MAF: variants seen among roughly 807,000 people sequenced by gnomAD.
MAF encodes MAF bZIP transcription factor.
MAF carries 10 observed loss-of-function variants against 22.0 expected under a neutral mutation model. That is an observed-to-expected ratio of 0.45 (90% CI 0.28 to 0.77). MAF has a LOEUF of 0.77. Among genes scored for constraint, MAF ranks in the 30% least tolerant of loss-of-function variants. The pLI, the probability that MAF is intolerant of heterozygous loss-of-function variation, is 0.12. For missense variants in MAF, 544 were observed against 548.4 expected, an observed-to-expected ratio of 0.99 and a Z score of 0.08; for synonymous variants, 337 against 255.8, an observed-to-expected ratio of 1.32 and a Z score of -3.03.
At chr16:79,311,345 C>T in the MAF span, among the ~76,000 whole-genome samples, 5 of 152,090 alleles carry the variant, frequency 3.3e-5, no homozygotes, top group Middle Eastern at 3.2e-3. Context: ...TTTCCTACTT[C>T]TTTTTTGAAA....
chr16:79,287,002 G>T, the MAF span, among the ~76,000 whole-genome samples: 1 of 152,190 alleles, frequency 6.6e-6, no homozygotes, highest in African/African-American at 2.4e-5. Flanking sequence ...ACCGAAGCCA[G>T]AAGTGAGCGT....
chr16:79,539,155 T>C, the MAF span, among the ~76,000 whole-genome samples: 4 of 152,374 alleles, frequency 2.6e-5, no homozygotes, highest in South Asian at 8.3e-4. Flanking sequence ...GTGGTATTTG[T>C]GGTAGTATAA....
chr16:79,400,177 G>C, the MAF span, among the ~76,000 whole-genome samples: 3 of 152,158 alleles, frequency 2.0e-5, no homozygotes, highest in African/African-American at 7.2e-5. Context: ...ACAATACACA[G>C]GGCAGACCCC....
At chr16:79,598,581 G>GTGT (rs1913725991) in intron 1 of MAF, 20 of 1,410,576 alleles carry the variant, frequency 1.4e-5, no homozygotes, top group Middle Eastern at 2.6e-4. Context: ...CAGGGTGTGG[G>GTGT]GTGTGTGTGT....
At chr16:79,439,647 C>T in the MAF span, among the ~76,000 whole-genome samples, 1 of 152,190 alleles carries the variant, frequency 6.6e-6, no homozygotes, top group Non-Finnish European at 1.5e-5. Context: ...AAACAGTCTG[C>T]TCTGCTCCAT....
intron 1 of MAF, chr16:79,597,990 G>C (rs965622239): frequency 9.6e-7 from 1 of 1,042,260 alleles, no homozygotes; most frequent in South Asian, 4.6e-5. Flanking sequence ...GAAGGTTGAT[G>C]CAGGCTTGAT....
chr16:79,588,491 G>C lies in MAF; in HGVS notation c.1119-2550C>G, dbSNP rs970158863. 2.6e-5 allele frequency among the ~76,000 whole-genome samples: 4 copies of C among 151,966 alleles called. No individual in the cohort carries two copies. The East Asian group carries it at 7.7e-4, about 29-fold the overall frequency. ...GCTGTTTTGCCCAGGCTTGAGTGCA[G>C]TGGCGCAATCTGGGCTTACTGCAAC... On this transcript the variant is annotated intron_variant, in intron 1 of 1. Transcript: ENST00000569649.
the MAF span, among the ~76,000 whole-genome samples, chr16:79,569,134 C>T: frequency 6.6e-6 from 1 of 152,326 alleles, no homozygotes; most frequent in East Asian, 1.9e-4. Context: ...GCCAAACAGC[C>T]TCAGAGAGTT....
chr16:79,484,427 G>T, the MAF span, among the ~76,000 whole-genome samples: 3 of 152,222 alleles, frequency 2.0e-5, no homozygotes, highest in African/African-American at 7.2e-5. Context: ...TGACCTCAGA[G>T]GTGACTCAGC....
At chr16:79,467,155 G>T in the MAF span, among the ~76,000 whole-genome samples, 1 of 152,180 alleles carries the variant, frequency 6.6e-6, no homozygotes, top group South Asian at 2.1e-4. Context: ...GGCCTCCAAG[G>T]GTCCCTCCCA....
chr16:79,545,464 A>C, the MAF span, among the ~76,000 whole-genome samples: 2 of 152,080 alleles, frequency 1.3e-5, no homozygotes, highest in Non-Finnish European at 2.9e-5. Flanking sequence ...GTACAACTGC[A>C]CACATTGCAT....
the MAF span, among the ~76,000 whole-genome samples, chr16:79,318,228 C>T: frequency 6.6e-6 from 1 of 152,196 alleles, no homozygotes; most frequent in African/African-American, 2.4e-5. Context: ...AGATGATCCA[C>T]CTGTTCCCAG....
chr16:79,495,136 T>C, the MAF span, among the ~76,000 whole-genome samples: 3 of 152,070 alleles, frequency 2.0e-5, no homozygotes, highest in East Asian at 1.9e-4. Flanking sequence ...GTAGGCGTGA[T>C]TGATTAAATC....
the MAF span, among the ~76,000 whole-genome samples, chr16:79,470,003 C>T: frequency 6.6e-6 from 1 of 152,228 alleles, no homozygotes; most frequent in African/African-American, 2.4e-5. Context: ...AGGATGGGAA[C>T]ATATAATCTC....
chr16:79,473,761 C>T, the MAF span, among the ~76,000 whole-genome samples: 3,186 of 152,134 alleles, frequency 0.021, 112 homozygotes, highest in African/African-American at 0.073. Context: ...CAAGCTCTGC[C>T]GACTGAAATG....
chr16:79,333,606 A>AT, the MAF span, among the ~76,000 whole-genome samples: 5 of 152,326 alleles, frequency 3.3e-5, no homozygotes, highest in Admixed American at 6.5e-5. Context: ...ACTGAGTTAC[A>AT]TTTTTTAAGA....
the MAF span, among the ~76,000 whole-genome samples, chr16:79,378,660 T>C: frequency 6.6e-6 from 1 of 152,228 alleles, no homozygotes; most frequent in Admixed American, 6.5e-5. Context: ...TATAAACATG[T>C]ATTTATATCT....
chr16:79,400,185 C>T, the MAF span, among the ~76,000 whole-genome samples: 20 of 152,230 alleles, frequency 1.3e-4, no homozygotes, highest in African/African-American at 4.1e-4. Context: ...CAGGGCAGAC[C>T]CCACCACAAA....
At chr16:79,245,904 G>T in the MAF span, among the ~76,000 whole-genome samples, 9,980 of 152,062 alleles carry the variant, frequency 0.066, 467 homozygotes, top group Non-Finnish European at 0.095. Flanking sequence ...CATGTTTTCT[G>T]CAGGGACATG....
Sources: allele counts gnomAD v4.1 joint callset (sites outside exome capture counted in the v4.1 genomes callset), GRCh38; gene constraint gnomAD v4.1.1; transcripts MANE v1.5; gene names NCBI Gene and HGNC (gene_info 2026-07-23, HGNC 2026-07-21).